TG: variants seen among roughly 807,000 people sequenced by gnomAD.
TG encodes the protein thyroglobulin, also known as thyroid hormones.
Under a neutral mutation model 324.7 loss-of-function variants are expected in TG, and 270 were observed. The ratio of observed to expected loss-of-function variants is 0.83; its 90% CI spans 0.75 to 0.92. TG has a LOEUF of 0.92. Ranked by LOEUF, TG falls within the 40% of genes least tolerant of loss-of-function variation. TG has a pLI of 0.00. For missense variants in TG, 3,591 were observed against 3,456.4 expected, an observed-to-expected ratio of 1.04 and a Z score of -0.98; for synonymous variants, 1,401 against 1,327.0, an observed-to-expected ratio of 1.06 and a Z score of -1.21.
intron 27 of TG, among the ~76,000 whole-genome samples, chr8:132,955,409 C>T (rs1043029542): frequency 1.3e-5 from 2 of 152,200 alleles, no homozygotes; most frequent in Non-Finnish European, 2.9e-5. Context: ...AACTCACCTT[C>T]TTGTCAAAAT....
intron 34 of TG, among the ~76,000 whole-genome samples, chr8:132,979,311 A>T (rs1422701639): frequency 1.3e-5 from 2 of 152,198 alleles, no homozygotes; most frequent in East Asian, 1.9e-4. Context: ...GTGGGGCAAG[A>T]TCTGTTTACA....
chr8:132,877,625 C>T (rs929438423), intron 5 of TG, among the ~76,000 whole-genome samples: 11 of 152,300 alleles, frequency 7.2e-5, no homozygotes, highest in Admixed American at 4.6e-4. Flanking sequence ...ACCAGAATTT[C>T]GCATTCCTCT....
chr8:132,958,847 G>A (rs184107854), intron 27 of TG, among the ~76,000 whole-genome samples: 5 of 152,268 alleles, frequency 3.3e-5, no homozygotes, highest in African/African-American at 2.4e-5. Flanking sequence ...GAGCAGGTGC[G>A]CAACCACTGG....
chr8:132,896,353 G>T lies in TG; in HGVS notation c.3002-1296G>T, dbSNP rs2132249425. 2.0e-5 allele frequency among the ~76,000 whole-genome samples: 3 copies of T among 152,304 alleles called. 1 individual carries two copies. In the South Asian group the frequency reaches 6.2e-4, roughly 32 times the overall value. On this transcript the variant is annotated intron_variant, in intron 11 of 47. Coordinates refer to ENST00000220616, the MANE Select transcript of TG (RefSeq NM_003235.5). ...GGTCGGTCCTGGTGTCCCCAGATGG[G>T]CTCTGACTGTGAGTTGGTGGCATCC...
At chr8:133,068,378 G>T (rs551020593) in intron 41 of TG, among the ~76,000 whole-genome samples, 1 of 152,206 alleles carries the variant, frequency 6.6e-6, no homozygotes, top group Non-Finnish European at 1.5e-5. Flanking sequence ...TGGGCTTTAT[G>T]CTAAGACCAG....
At chr8:133,086,119 T>C (rs1425207878) in intron 41 of TG, among the ~76,000 whole-genome samples, 1 of 152,246 alleles carries the variant, frequency 6.6e-6, no homozygotes, top group Non-Finnish European at 1.5e-5. Context: ...ACATATTCTA[T>C]GATTCCATTT....
Position 133,107,984 on chromosome 8 carries a change from T to TTTCCTC in TG, c.7573-5436_7573-5435insCCTCTT, listed in dbSNP as rs749655674. On this transcript the variant is annotated intron_variant, in intron 43 of 47. Transcript: ENST00000220616. ...AGTCCTTTTTCTTTTCTTTTCTTCT[T>TTTCCTC]TTTTTTTTTTTTTTTTTGAGACAGA... 2.1e-4 allele frequency among the ~76,000 whole-genome samples: 29 copies of TTTCCTC among 138,358 alleles called. 1 individual carries two copies. Among genetic ancestry groups the TTTCCTC allele is most frequent in the Non-Finnish European group, 2.5e-4 (16 of 64,710 alleles). The allele number at this position is 138,358 out of a possible 152,430, so 90.8% of individuals were successfully genotyped here. A position where few individuals can be genotyped will look rare whatever the true frequency, so the allele number is the denominator to read the frequency against.
intron 10 of TG, among the ~76,000 whole-genome samples, chr8:132,892,593 G>C (rs1563918291): frequency 6.6e-6 from 1 of 152,186 alleles, no homozygotes; most frequent in Non-Finnish European, 1.5e-5. Flanking sequence ...GTTGTGGAAA[G>C]AGCTGCTGCG....
At chr8:133,122,875 T>C (rs1327375360) in intron 45 of TG, among the ~76,000 whole-genome samples, 1 of 152,174 alleles carries the variant, frequency 6.6e-6, no homozygotes, top group East Asian at 1.9e-4. Flanking sequence ...AGCCAGTTTC[T>C]CCCACGGTCT....
chr8:132,887,553 G>T lies in TG; in HGVS notation c.2176+5G>T. 5 of 1,614,194 alleles carry T rather than the reference G, an allele frequency of 3.1e-6. No homozygotes were observed. Among genetic ancestry groups the T allele is most frequent in the Non-Finnish European group, 4.2e-6 (5 of 1,180,042 alleles). On this transcript the variant is annotated splice_donor_5th_base_variant and intron_variant, in intron 9 of 47. Transcript: ENST00000220616. ...CAATAGGGAAGCCCAAGAAATGTAAGTCTGTTGGGTATTCAATCTGTAGGT... is the reference window on the plus strand; with the variant it reads ...CAATAGGGAAGCCCAAGAAATGTAATTCTGTTGGGTATTCAATCTGTAGGT...
intron 23 of TG, among the ~76,000 whole-genome samples, chr8:132,930,407 G>A (rs903059179): frequency 5.9e-5 from 9 of 152,166 alleles, no homozygotes; most frequent in East Asian, 5.8e-4. Context: ...CAGGCAGGGC[G>A]TGGTAGCTCA....
intron 35 of TG, among the ~76,000 whole-genome samples, chr8:132,993,955 A>C (rs1043042531): frequency 7.9e-5 from 12 of 152,222 alleles, no homozygotes; most frequent in Non-Finnish European, 1.3e-4. Context: ...AATCAGTCAG[A>C]AACCACATAA....
intron 36 of TG, 133 bp downstream of exon 36, chr8:133,012,168 G>A: frequency 2.2e-6 from 3 of 1,342,282 alleles, no homozygotes; most frequent in South Asian, 2.5e-5. Context: ...GATTAACCTG[G>A]GGAAGAAGAC....
chr8:133,073,612 C>T (rs1844407409), intron 41 of TG, among the ~76,000 whole-genome samples: 1 of 152,180 alleles, frequency 6.6e-6, no homozygotes, highest in Non-Finnish European at 1.5e-5. Context: ...CTTACCTCTC[C>T]ACTTTTCGAA....
chr8:132,959,497 G>T (rs2130311319), intron 27 of TG, among the ~76,000 whole-genome samples: 1 of 152,282 alleles, frequency 6.6e-6, no homozygotes, highest in South Asian at 2.1e-4. Context: ...ATGATGCTGG[G>T]ACTTTTTTTG....
intron 12 of TG, 119 bp from the exon 13 acceptor site, chr8:132,898,050 G>A: frequency 9.5e-7 from 1 of 1,051,710 alleles, no homozygotes; most frequent in Non-Finnish European, 1.4e-6. Context: ...GTCTAGACTG[G>A]GGACAGAAGG....
At chr8:132,963,365 C>T (rs1828043079) in intron 29 of TG, among the ~76,000 whole-genome samples, 1 of 152,182 alleles carries the variant, frequency 6.6e-6, no homozygotes, top group East Asian at 1.9e-4. Flanking sequence ...GCAAGGTTCA[C>T]CTGACTGTGG....
At chr8:132,927,252 C>T (rs2132511070) in intron 22 of TG, among the ~76,000 whole-genome samples, 1 of 152,158 alleles carries the variant, frequency 6.6e-6, no homozygotes, top group Admixed American at 6.5e-5. Flanking sequence ...TTGCCTATCC[C>T]TCCTTTCCTC....
intron 27 of TG, among the ~76,000 whole-genome samples, chr8:132,960,096 AC>A (rs1191218826): frequency 4.6e-5 from 7 of 152,196 alleles, no homozygotes; most frequent in African/African-American, 1.4e-4. Context: ...AGGGCTTAAA[AC>A]CTGGATGACA....
Sources: gnomAD v4.1 joint callset for allele counts (sites outside exome capture counted in the v4.1 genomes callset) on GRCh38, gnomAD v4.1.1 for gene constraint, MANE v1.5 for transcripts, NCBI Gene and HGNC (gene_info 2026-07-23, HGNC 2026-07-21) for gene names.